Variants in FBXO9 observed in about 807,000 individuals in gnomAD.
FBXO9 encodes the protein F-box protein 9.
Under a neutral mutation model 63.7 loss-of-function variants are expected in FBXO9, and 43 were observed. That is an observed-to-expected ratio of 0.67 (90% CI 0.53 to 0.87). The LOEUF (loss-of-function observed/expected upper bound fraction) is 0.87, where lower values mean the gene tolerates loss of function less well. FBXO9 is among the 40% of genes least tolerant of loss of function. The pLI is 0.00. For missense variants in FBXO9, 442 were observed against 533.2 expected (o/e 0.83, Z 1.68); for synonymous variants, 156 against 171.7 (o/e 0.91, Z 0.72).
At chr6:53,074,786 A>C (rs1053413858) in intron 3 of FBXO9, among the ~76,000 whole-genome samples, 1 of 152,206 alleles carries the variant, frequency 6.6e-6, no homozygotes, top group African/African-American at 2.4e-5. Flanking sequence ...ACTATGTATC[A>C]GTAGTTTGTT....
At chr6:53,094,785 A>G in intron 11 of FBXO9, 1 of 440,748 alleles carries the variant, frequency 2.3e-6, no homozygotes, top group Non-Finnish European at 4.6e-6. Context: ...GAGCCTGGGC[A>G]GCAGCAGCCT....
Position 53,092,740 on chromosome 6 carries a change from A to G in FBXO9, c.779A>G (p.Tyr260Cys). 3 of 1,607,024 alleles carry G rather than the reference A, an allele frequency of 1.9e-6. No homozygotes were observed. The highest frequency in any genetic ancestry group is 2.2e-5 in the South Asian group (2 of 90,080). ...ERPRVRFDGV[Y>C]ISKTTYIRQG... ...TTTAAAATTATTTTCATAGGCGTGT[A>G]TATCAGTAAAACCACATATATTCGT... is the stretch of plus-strand genomic sequence containing the variant. Residue 260 changes from tyrosine to cysteine, a missense_variant, in exon 9 of 13, where the codon TAT (tyrosine) becomes TGT (cysteine). Around this residue, in one of 2 missense-constraint regions of FBXO9, gnomAD observed 262 missense variants for 362.1 expected, o/e 0.72. Transcript: ENST00000323557.
chr6:53,076,435 T>A, intron 3 of FBXO9, 51 bp from the exon 4 acceptor site: 1 of 1,141,024 alleles, frequency 8.8e-7, no homozygotes, highest in South Asian at 1.5e-5. Context: ...CTGCCATCCA[T>A]ACTAATTTTT....
Position 53,098,279 on chromosome 6 carries a change from T to C in FBXO9, c.*449T>C. 1 of 216,994 alleles carries C rather than the reference T, an allele frequency of 4.6e-6. No individual in the cohort carries two copies. Among genetic ancestry groups the C allele is most frequent in the South Asian group, 5.1e-5 (1 of 19,484 alleles). The allele number at this position is 216,994 out of a possible 1,614,324, so 13.4% of individuals were successfully genotyped here. Reference sequence around the variant, plus strand: ...TTATTTCCCGCATGGCATAATGTTTTTGCACTAAAGGCTCAAAGTGTGAGA... The same window carrying C: ...TTATTTCCCGCATGGCATAATGTTTCTGCACTAAAGGCTCAAAGTGTGAGA... On this transcript the variant is annotated 3_prime_UTR_variant, in exon 13 of 13. Coordinates refer to ENST00000323557, the MANE Select transcript of FBXO9 (RefSeq NM_033480.3).
At chr6:53,087,439 A>G (rs1045978409) in intron 7 of FBXO9, among the ~76,000 whole-genome samples, 2 of 152,132 alleles carry the variant, frequency 1.3e-5, no homozygotes, top group African/African-American at 4.8e-5. Flanking sequence ...GAGTTGACAA[A>G]AAGGTTGAAA....
At chr6:53,093,594 A>G (rs1287779799) in intron 10 of FBXO9, 33 bp downstream of exon 10, 2 of 1,499,104 alleles carry the variant, frequency 1.3e-6, no homozygotes, top group Non-Finnish European at 9.3e-7. Context: ...CTTTCCATCC[A>G]GTCTATGTTT....
At chr6:53,078,663 ACTG>A (rs759223501) in intron 4 of FBXO9, 133 bp from the exon 5 acceptor site, 15 of 620,498 alleles carry the variant, frequency 2.4e-5, no homozygotes, top group Non-Finnish European at 4.0e-5. Context: ...GTGTCACTGA[ACTG>A]CTGTTGCATG....
At chr6:53,075,647 T>G (rs1226624681) in intron 3 of FBXO9, among the ~76,000 whole-genome samples, 1 of 150,730 alleles carries the variant, frequency 6.6e-6, no homozygotes, top group East Asian at 1.9e-4. Flanking sequence ...CATCTTTTCA[T>G]GTGCTTATTT....
In FBXO9 at chr6:53,084,022, G is replaced by A. The variant is rs1204228985; in HGVS notation, c.653+1404G>A. Among the ~76,000 whole-genome samples, 6 of 152,188 alleles carry A rather than the reference G, an allele frequency of 3.9e-5. No homozygotes were observed. The East Asian group carries it at 7.7e-4, about 20-fold the overall frequency. ...ATGACTCTCAGGCTGTGTCTACCTGGATTCCATTATTAAGTTTGATTTTTG... is the reference window on the plus strand; with the variant it reads ...ATGACTCTCAGGCTGTGTCTACCTGAATTCCATTATTAAGTTTGATTTTTG... On this transcript the variant is annotated intron_variant, in intron 7 of 12. Transcript: ENST00000323557.
chr6:53,075,182 C>T (rs900345813), intron 3 of FBXO9, among the ~76,000 whole-genome samples: 2 of 151,762 alleles, frequency 1.3e-5, no homozygotes, highest in African/African-American at 4.8e-5. Context: ...GTCGCCCAGG[C>T]TGGAGTGCAG....
At chr6:53,079,947 T>C (rs571602800) in intron 5 of FBXO9, among the ~76,000 whole-genome samples, 12 of 152,292 alleles carry the variant, frequency 7.9e-5, no homozygotes, top group Non-Finnish European at 1.3e-4. Flanking sequence ...CAGTATGAGG[T>C]AGTTCATACT....
At chr6:53,071,795 A>G (rs577713915) in intron 2 of FBXO9, among the ~76,000 whole-genome samples, 1 of 152,360 alleles carries the variant, frequency 6.6e-6, no homozygotes, top group South Asian at 2.1e-4. Context: ...CATTCCCTTG[A>G]TACAGCAATT....
At chr6:53,076,748 T>G (rs1769124631) in intron 4 of FBXO9, among the ~76,000 whole-genome samples, 1 of 152,062 alleles carries the variant, frequency 6.6e-6, no homozygotes, top group African/African-American at 2.4e-5. Flanking sequence ...GTGTAATATT[T>G]ACATATAACT....
chr6:53,079,388 A>G (rs938587894), intron 5 of FBXO9, among the ~76,000 whole-genome samples: 2 of 151,122 alleles, frequency 1.3e-5, no homozygotes, highest in African/African-American at 4.9e-5. Flanking sequence ...AAAAGATGTT[A>G]TTATTCTCTT....
intron 6 of FBXO9, among the ~76,000 whole-genome samples, chr6:53,081,893 A>AC (rs1332498746): frequency 1.3e-5 from 2 of 151,740 alleles, no homozygotes; most frequent in African/African-American, 2.4e-5. Context: ...ACATGGTGAA[A>AC]CCCCACCTCT....
chr6:53,095,394 A>C (rs752295828), intron 11 of FBXO9, 119 bp from the exon 12 acceptor site: 2 of 913,122 alleles, frequency 2.2e-6, no homozygotes, highest in Non-Finnish European at 3.1e-6. Flanking sequence ...GATAGTCAAA[A>C]CGACTCTTTA....
intron 3 of FBXO9, 69 bp downstream of exon 3, chr6:53,073,708 C>A: frequency 7.6e-7 from 1 of 1,318,434 alleles, no homozygotes; most frequent in Non-Finnish European, 1.0e-6. Context: ...TTCACTGACA[C>A]AGTAAGTAGG....
chr6:53,075,665 A>G (rs1481673163), intron 3 of FBXO9, among the ~76,000 whole-genome samples: 2 of 147,364 alleles, frequency 1.4e-5, no homozygotes, highest in Non-Finnish European at 3.0e-5. Context: ...TTTTTCATCT[A>G]TTAATATATA....
rs529809615 is a variant in FBXO9, at chr6:53,093,296, G to T, written c.864-170G>T. 5 of 478,396 alleles carry T rather than the reference G, an allele frequency of 1.0e-5. No homozygotes were observed. The East Asian group carries it at 1.3e-4, about 12-fold the overall frequency. The allele number at this position is 478,396 out of a possible 1,614,324, so 29.6% of individuals were successfully genotyped here. ...AAATATCTTTGGTTCTTTGTTGCTG[G>T]ACTAACAGGTAGTCAGTAATATTTG... On this transcript the variant is annotated intron_variant, in intron 9 of 12. Transcript: ENST00000323557.
Sources: allele counts gnomAD v4.1 joint callset (sites outside exome capture counted in the v4.1 genomes callset), GRCh38; gene constraint gnomAD v4.1.1; regional missense constraint gnomAD v4.1.1; transcripts MANE v1.5; gene names NCBI Gene and HGNC (gene_info 2026-07-23, HGNC 2026-07-21).